PPFIA2: variants seen among roughly 807,000 people sequenced by gnomAD.
PPFIA2 encodes the protein liprin-alpha-2.
A neutral mutation model predicts 175.5 loss-of-function variants in PPFIA2; 46 were observed. The observed-to-expected ratio is 0.26, with a 90% CI of 0.21 to 0.34. The LOEUF is 0.34. Ranked by LOEUF, PPFIA2 falls within the 10% of genes least tolerant of loss-of-function variation. The pLI is 1.00. For synonymous variants in PPFIA2, 568 were observed against 511.4 expected (o/e 1.11, Z -1.49); for missense variants, 1,179 against 1,506.1 (o/e 0.78, Z 3.60).
chr12:81,665,052 G>T (rs189481430), intron 4 of PPFIA2, among the ~76,000 whole-genome samples: 1 of 151,918 alleles, frequency 6.6e-6, no homozygotes, highest in African/African-American at 2.4e-5. Flanking sequence ...TGGGGGCAGG[G>T]GGGAGGGATA....
rs114054374 is a variant in PPFIA2 at position 81,380,941 on chromosome 12, G to A, written c.984+3082C>T. Reference sequence around the variant, plus strand: ...TTGAGACCTGAATATTTCAGAATTCGTTTATTTAGCTTTCACAGTGCTGTG... The same window carrying A: ...TTGAGACCTGAATATTTCAGAATTCATTTATTTAGCTTTCACAGTGCTGTG... On this transcript the variant is annotated intron_variant, in intron 9 of 32. Coordinates refer to ENST00000549396, the MANE Select transcript of PPFIA2 (RefSeq NM_003625.5). 4.0e-3 allele frequency among the ~76,000 whole-genome samples: 590 copies of A among 147,934 alleles called. 4 individuals are homozygous for A. Among genetic ancestry groups the A allele is most frequent in the African/African-American group, 0.013 (535 of 39,916 alleles).
intron 7 of PPFIA2, among the ~76,000 whole-genome samples, chr12:81,435,906 G>C (rs1314998606): frequency 6.6e-6 from 1 of 152,060 alleles, no homozygotes; most frequent in Non-Finnish European, 1.5e-5. Flanking sequence ...TACTCTTCAA[G>C]ATGGCAATAT....
chr12:81,457,429 A>T (rs561746543), intron 5 of PPFIA2, among the ~76,000 whole-genome samples: 3 of 151,986 alleles, frequency 2.0e-5, no homozygotes, highest in African/African-American at 7.2e-5. Flanking sequence ...CCTCTGAGGG[A>T]TTACCCTACC....
rs76720549 is a variant in PPFIA2, at chr12:81,403,482, A to T, written c.762+2305T>A. On this transcript the variant is annotated intron_variant, in intron 8 of 32. Coordinates refer to ENST00000549396, the MANE Select transcript of PPFIA2 (RefSeq NM_003625.5). ...TAGAGTAGGTAGTTAGGCAACCAATAGGTGATGGTCAGGTGGTTGTTAAAC... is the reference window on the plus strand; with the variant it reads ...TAGAGTAGGTAGTTAGGCAACCAATTGGTGATGGTCAGGTGGTTGTTAAAC... Among the ~76,000 whole-genome samples the T allele has an allele frequency of 1.5e-3, 230 of 152,316 alleles. 4 individuals carry two copies. The East Asian group carries it at 0.028, about 19-fold the overall frequency.
intron 4 of PPFIA2, among the ~76,000 whole-genome samples, chr12:81,468,948 A>C (rs2056247591): frequency 6.6e-6 from 1 of 152,084 alleles, no homozygotes; most frequent in Admixed American, 6.6e-5. Context: ...AAACCATGAG[A>C]GAGAAATCTG....
chr12:81,750,323 G>A (rs1437693440), intron 3 of PPFIA2, among the ~76,000 whole-genome samples: 1 of 143,548 alleles, frequency 7.0e-6, no homozygotes, highest in African/African-American at 2.4e-5. Flanking sequence ...AGAATTTCAG[G>A]GTCAGGTGCC....
At chr12:81,341,505 T>TAGCCCAAGACGGCTTTGAATGC (rs2058072254) in intron 19 of PPFIA2, among the ~76,000 whole-genome samples, 1 of 152,104 alleles carries the variant, frequency 6.6e-6, no homozygotes, top group African/African-American at 2.4e-5. Context: ...TGGAAACATA[T>TAGCCCAAGACGGCTTTGAATGC]AGCCCAAGAC....
intron 4 of PPFIA2, among the ~76,000 whole-genome samples, chr12:81,665,447 A>G (rs1328147860): frequency 6.6e-6 from 1 of 152,090 alleles, no homozygotes. Flanking sequence ...TGTTAGTCTG[A>G]AAGTTCCTAT....
At chr12:81,681,341 T>G (rs2073592297) in intron 3 of PPFIA2, among the ~76,000 whole-genome samples, 1 of 152,002 alleles carries the variant, frequency 6.6e-6, no homozygotes, top group African/African-American at 2.4e-5. Context: ...AACACAGCTG[T>G]GCAGATTCAG....
intron 4 of PPFIA2, among the ~76,000 whole-genome samples, chr12:81,507,060 T>G (rs1182492352): frequency 2.0e-5 from 3 of 152,048 alleles, no homozygotes; most frequent in Admixed American, 6.6e-5. Context: ...ATTGAGAAAA[T>G]AGTTATTCAA....
At chr12:81,291,909 C>G (rs2045137112) in intron 24 of PPFIA2, among the ~76,000 whole-genome samples, 1 of 152,064 alleles carries the variant, frequency 6.6e-6, no homozygotes, top group South Asian at 2.1e-4. Context: ...TAGTTCCTGA[C>G]CTGGGAAATA....
intron 4 of PPFIA2, among the ~76,000 whole-genome samples, chr12:81,495,814 C>CCAAAA (rs919525278): frequency 6.6e-6 from 1 of 152,008 alleles, no homozygotes; most frequent in Non-Finnish European, 1.5e-5. Flanking sequence ...GATCCTGTTT[C>CCAAAA]CAAAACAAAA....
chr12:81,437,510 G>A (rs2049298287), intron 7 of PPFIA2, among the ~76,000 whole-genome samples: 1 of 152,068 alleles, frequency 6.6e-6, no homozygotes, highest in Non-Finnish European at 1.5e-5. Context: ...TGGGATTACA[G>A]GTGTGAACCA....
At chr12:81,486,791 C>T (rs1234822616) in intron 4 of PPFIA2, among the ~76,000 whole-genome samples, 1 of 151,790 alleles carries the variant, frequency 6.6e-6, no homozygotes, top group East Asian at 1.9e-4. Flanking sequence ...TAGATGATAA[C>T]ATTTTTTAGT....
intron 8 of PPFIA2, among the ~76,000 whole-genome samples, chr12:81,403,155 T>C (rs1010881545): frequency 4.6e-5 from 7 of 152,190 alleles, no homozygotes; most frequent in African/African-American, 1.4e-4. Flanking sequence ...TAAAAACCTT[T>C]AGTTACACCA....
At chr12:81,280,294 G>GT (rs543699193) in intron 27 of PPFIA2, among the ~76,000 whole-genome samples, 101 of 152,166 alleles carry the variant, frequency 6.6e-4, no homozygotes, top group African/African-American at 2.1e-3. Context: ...ACTTTAATGG[G>GT]TTTTTTAAAA....
intron 5 of PPFIA2, among the ~76,000 whole-genome samples, chr12:81,449,931 T>A (rs987213707): frequency 2.6e-5 from 4 of 152,002 alleles, no homozygotes; most frequent in African/African-American, 9.7e-5. Flanking sequence ...AGAATGATGG[T>A]TTCCAGCTTC....
intron 4 of PPFIA2, among the ~76,000 whole-genome samples, chr12:81,494,534 G>A (rs1593958491): frequency 6.6e-6 from 1 of 151,488 alleles, no homozygotes; most frequent in Non-Finnish European, 1.5e-5. Flanking sequence ...AAGTCAGTGT[G>A]GCGATTCCTC....
intron 4 of PPFIA2, among the ~76,000 whole-genome samples, chr12:81,517,548 T>C (rs1204439341): frequency 1.3e-5 from 2 of 152,262 alleles, no homozygotes; most frequent in East Asian, 1.9e-4. Context: ...TGTTGGCAGA[T>C]AGAACAGGAG....
Sources: gnomAD v4.1 joint callset for allele counts (sites outside exome capture counted in the v4.1 genomes callset) on GRCh38, gnomAD v4.1.1 for gene constraint, MANE v1.5 for transcripts, NCBI Gene and HGNC (gene_info 2026-07-23, HGNC 2026-07-21) for gene names.